The following LRRC61 variants were observed in gnomAD, a reference collection of about 807,000 sequenced individuals.
LRRC61 encodes leucine-rich repeat-containing protein 61.
A neutral mutation model predicts 15.1 loss-of-function variants in LRRC61; 9 were observed. That is an observed-to-expected ratio of 0.60 (90% CI 0.36 to 1.04). The LOEUF is 1.04. Among genes scored for constraint, LRRC61 ranks in the 50% least tolerant of loss-of-function variants. The pLI is 0.01. For missense variants in LRRC61, 344 were observed against 335.6 expected, an observed-to-expected ratio of 1.03 and a Z score of -0.20; for synonymous variants, 173 against 158.6, an observed-to-expected ratio of 1.09 and a Z score of -0.68.
Position 150,325,450 on chromosome 7 carries a change from T to C in LRRC61, c.-314-391T>C, listed in dbSNP as rs114925067. On this transcript the variant is annotated intron_variant, in intron 1 of 2. Coordinates refer to ENST00000359623, the MANE Select transcript of LRRC61 (RefSeq NM_001142928.2). ...TGTAGGCCTCCAATGTGTTGTCAGCTGTGGTGATGTGTGTCACAAGTAACT... is the reference window on the plus strand; with the variant it reads ...TGTAGGCCTCCAATGTGTTGTCAGCCGTGGTGATGTGTGTCACAAGTAACT... Among the ~76,000 whole-genome samples the C allele has an allele frequency of 9.5e-3, 1,455 of 152,370 alleles. 30 individuals carry two copies. Among genetic ancestry groups the C allele is most frequent in the African/African-American group, 0.033 (1,355 of 41,582 alleles).
chr7:150,325,350 C>T (rs1797928006), intron 1 of LRRC61, among the ~76,000 whole-genome samples: 1 of 152,230 alleles, frequency 6.6e-6, no homozygotes. Flanking sequence ...CCCACATGAT[C>T]GACTATGGGC....
At chr7:150,336,039 G>A (rs1045889993) in intron 2 of LRRC61, among the ~76,000 whole-genome samples, 2 of 152,194 alleles carry the variant, frequency 1.3e-5, no homozygotes, top group African/African-American at 4.8e-5. Flanking sequence ...TTGGCGGGCA[G>A]TGAAGTGAGA....
intron 1 of LRRC61, 193 bp downstream of exon 1, chr7:150,323,753 G>C (rs1260769124): frequency 6.6e-6 from 3 of 451,336 alleles, no homozygotes; most frequent in African/African-American, 4.1e-5. Flanking sequence ...AAATACTGTG[G>C]TATTAATTAA....
In LRRC61 at chr7:150,333,814, G is replaced by T; in HGVS notation, c.-144-2904G>T. On this transcript the variant is annotated intron_variant, in intron 2 of 2. Coordinates refer to ENST00000359623, the MANE Select transcript of LRRC61 (RefSeq NM_001142928.2). The surrounding 1 kb of genome is among the most constrained non-coding windows in gnomAD (Gnocchi z 4.3). ...TCTGCGGGCAGCCTGATGGTTAGTT[G>T]GGTCTGCACAGGTGGGCGCCGGCTG... is the stretch of plus-strand genomic sequence containing the variant. 2 of 785,482 alleles carry T rather than the reference G, an allele frequency of 2.5e-6. No individual in the cohort carries two copies. The highest frequency in any genetic ancestry group is 3.1e-6 in the Non-Finnish European group (2 of 647,802). The allele number at this position is 785,482 out of a possible 1,614,324, so 48.7% of individuals were successfully genotyped here. A position where few individuals can be genotyped will look rare whatever the true frequency, so the allele number is the denominator to read the frequency against.
chr7:150,329,653 C>G (rs967024574), intron 2 of LRRC61: 7 of 152,274 alleles, frequency 4.6e-5, no homozygotes, highest in African/African-American at 1.7e-4. Context: ...GTCATCTGGC[C>G]TCATGCTTAA....
At chr7:150,325,312 C>A (rs1797925912) in intron 1 of LRRC61, among the ~76,000 whole-genome samples, 1 of 152,230 alleles carries the variant, frequency 6.6e-6, no homozygotes, top group African/African-American at 2.4e-5. Context: ...TCCCATGTGG[C>A]CTGGCTAGGG....
chr7:150,337,806 A>C lies in LRRC61; in HGVS notation c.*165A>C. 5 of 728,622 alleles carry C rather than the reference A, an allele frequency of 6.9e-6. No homozygotes were observed. Among genetic ancestry groups the C allele is most frequent in the Non-Finnish European group, 1.1e-5 (5 of 453,432 alleles). The allele number at this position is 728,622 out of a possible 1,614,324, so 45.1% of individuals were successfully genotyped here. Reference sequence around the variant, plus strand: ...AGCAGCCCCTCCCCACCATCCCTCCACATGCTGCAAGGACAGACTGAAGGG... The same window carrying C: ...AGCAGCCCCTCCCCACCATCCCTCCCCATGCTGCAAGGACAGACTGAAGGG... On this transcript the variant is annotated 3_prime_UTR_variant, in exon 3 of 3. Coordinates refer to ENST00000359623, the MANE Select transcript of LRRC61 (RefSeq NM_001142928.2).
intron 2 of LRRC61, chr7:150,328,498 CA>C (rs1798012569): frequency 6.6e-6 from 1 of 152,334 alleles, no homozygotes; most frequent in East Asian, 1.9e-4. Flanking sequence ...CTAGAGGGGG[CA>C]GCGTCAGGGG....
the LRRC61 span, among the ~76,000 whole-genome samples, chr7:150,313,272 C>T: frequency 3.9e-5 from 6 of 152,228 alleles, no homozygotes; most frequent in South Asian, 6.2e-4. Flanking sequence ...GTCTTCTCTA[C>T]GGACACACGT....
At position 150,337,824 on chromosome 7, in the gene LRRC61, C is replaced by G; in HGVS notation, c.*183C>G. On this transcript the variant is annotated 3_prime_UTR_variant, in exon 3 of 3. Transcript: ENST00000359623. ...TCCCTCCACATGCTGCAAGGACAGA[C>G]TGAAGGGCTGTGAGCAGGTGTAAGG... 3 of 681,930 alleles carry G rather than the reference C, an allele frequency of 4.4e-6. No individual in the cohort carries two copies. The highest frequency in any genetic ancestry group is 7.2e-6 in the Non-Finnish European group (3 of 413,958). 42.2% of individuals were successfully genotyped at this position (681,930 alleles called of 1,614,324 possible).
intron 2 of LRRC61, among the ~76,000 whole-genome samples, chr7:150,336,236 A>G (rs935895950): frequency 5.3e-5 from 8 of 152,374 alleles, no homozygotes; most frequent in Non-Finnish European, 1.0e-4. Flanking sequence ...AAAGAATTGC[A>G]GTAATACTGA....
chr7:150,313,666 C>A, the LRRC61 span, among the ~76,000 whole-genome samples: 1 of 152,102 alleles, frequency 6.6e-6, no homozygotes, highest in Non-Finnish European at 1.5e-5. Flanking sequence ...CTTTGCAATG[C>A]CCTGGCCAAG....
At chr7:150,326,944 G>A (rs1270908856) in intron 2 of LRRC61, among the ~76,000 whole-genome samples, 1 of 152,142 alleles carries the variant, frequency 6.6e-6, no homozygotes, top group African/African-American at 2.4e-5. Flanking sequence ...AAGTTCTTGC[G>A]AGATGGACTT....
intron 2 of LRRC61, among the ~76,000 whole-genome samples, chr7:150,327,914 C>T (rs1364227814): frequency 1.3e-5 from 2 of 152,122 alleles, no homozygotes; most frequent in African/African-American, 4.8e-5. Context: ...CCTGACCCCA[C>T]TTCTACGTGG....
At chr7:150,312,485 A>G in the LRRC61 span, among the ~76,000 whole-genome samples, 1 of 152,202 alleles carries the variant, frequency 6.6e-6, no homozygotes, top group Admixed American at 6.5e-5. Flanking sequence ...TATGTAAAAC[A>G]TTATTCCTTT....
At position 150,337,929 on chromosome 7, in the gene LRRC61, C is replaced by A; in HGVS notation, c.*288C>A. On this transcript the variant is annotated 3_prime_UTR_variant, in exon 3 of 3. Coordinates refer to ENST00000359623, the MANE Select transcript of LRRC61 (RefSeq NM_001142928.2). Reference sequence around the variant, plus strand: ...GCCTGCAACTTAGTGGAAGGAATTACTTCCTCCTGAGGCTACAGGCGAGAA... The same window carrying A: ...GCCTGCAACTTAGTGGAAGGAATTAATTCCTCCTGAGGCTACAGGCGAGAA... 1 of 512,712 alleles carries A rather than the reference C, an allele frequency of 2.0e-6. No homozygotes were observed. The highest frequency in any genetic ancestry group is 3.6e-6 in the Non-Finnish European group (1 of 281,476). 31.8% of individuals were successfully genotyped at this position (512,712 alleles called of 1,614,324 possible). A position where few individuals can be genotyped will look rare whatever the true frequency, so the allele number is the denominator to read the frequency against.
In LRRC61 at chr7:150,337,203, G is replaced by T; in HGVS notation, c.342G>T (p.Gln114His). Residue 114 changes from glutamine (Q) to histidine (H), a missense_variant, in exon 3 of 3, where the codon CAG (glutamine) becomes CAT (histidine). Physicochemically the swap from Gln to His is conservative, Grantham distance 24. Coordinates refer to ENST00000359623, the MANE Select transcript of LRRC61 (RefSeq NM_001142928.2). ...AAGNLLATPG[Q>H]LQCLAGLPCL... The stretch of plus-strand genomic sequence containing the variant: ...GCAACCTACTGGCCACCCCGGGCCA[G>T]CTGCAGTGTCTGGCTGGGCTACCGT... 1 of 1,606,324 alleles carries T rather than the reference G, an allele frequency of 6.2e-7. No homozygotes were observed.
At position 150,335,973 on chromosome 7, in the gene LRRC61, A is replaced by G. The variant is rs1178864004; in HGVS notation, c.-144-745A>G. Among the ~76,000 whole-genome samples, 1 of 152,174 alleles carries G rather than the reference A, an allele frequency of 6.6e-6. No homozygotes were observed. Among genetic ancestry groups the G allele is most frequent in the East Asian group, 1.9e-4 (1 of 5,186 alleles). The stretch of plus-strand genomic sequence containing the variant: ...GCTGGCACCGTGCTGTCTGGCACGT[A>G]TATCAGTGCTGTTCCATTGATCTGT... On this transcript the variant is annotated intron_variant, in intron 2 of 2. Transcript: ENST00000359623. The surrounding 1 kb of genome is among the most constrained non-coding windows in gnomAD (Gnocchi z 4.3).
Position 150,327,851 on chromosome 7 carries a change from C to T in LRRC61, c.-145+1841C>T, listed in dbSNP as rs547908446. Among the ~76,000 whole-genome samples, 12 of 150,806 alleles carry T rather than the reference C, an allele frequency of 8.0e-5. No individual in the cohort carries two copies. In the South Asian group the frequency reaches 1.7e-3, roughly 21 times the overall value. ...AAAAAAAAAAAGTTTCTTGCACTTG[C>T]GTAAAAGTTCCTAAGTGACTTAGAT... On this transcript the variant is annotated intron_variant, in intron 2 of 2. Transcript: ENST00000359623.
Sources: allele counts gnomAD v4.1 joint callset (sites outside exome capture counted in the v4.1 genomes callset), GRCh38; gene constraint gnomAD v4.1.1; non-coding constraint Gnocchi (gnomAD v3.1); transcripts MANE v1.5; gene names NCBI Gene and HGNC (gene_info 2026-07-23, HGNC 2026-07-21).